SIX4: variants seen among roughly 807,000 people sequenced by gnomAD.
SIX4 encodes the protein homeobox protein SIX4.
SIX4 carries 23 observed loss-of-function variants against 51.5 expected under a neutral mutation model. The observed-to-expected ratio is 0.45, with a 90% CI of 0.32 to 0.63. The LOEUF (loss-of-function observed/expected upper bound fraction) is 0.63. SIX4 is among the 30% of genes least tolerant of loss of function. The pLI is 0.04. For missense variants in SIX4, 867 were observed against 984.0 expected (o/e 0.88, Z 1.59); for synonymous variants, 413 against 417.3 (o/e 0.99, Z 0.13).
At chr14:60,721,687 G>A (rs1896023479) in intron 1 of SIX4, among the ~76,000 whole-genome samples, 1 of 152,186 alleles carries the variant, frequency 6.6e-6, no homozygotes, top group East Asian at 1.9e-4. Context: ...GAGTCCCAGG[G>A]AGCGTGCCCG....
chr14:60,723,075 G>T, intron 1 of SIX4, 137 bp downstream of exon 1: 1 of 1,414,352 alleles, frequency 7.1e-7, no homozygotes. Flanking sequence ...GAGCGAGGTA[G>T]GGGGCGGGGA....
rs1896087791 is a variant in SIX4 at position 60,723,907 on chromosome 14, C to A, written c.168G>T (p.Gly56=). ...PAPAPFPLEP[G]DAATAAARVS... ...CCCTGGCGGCAGCGGTCGCGGCGTC[C>A]CCCGGCTCCAGGGGAAAAGGGGCTG... Residue 56 remains glycine, a synonymous_variant, in exon 1 of 3, where the codon GGG becomes GGT. Coordinates refer to ENST00000216513, the MANE Select transcript of SIX4 (RefSeq NM_017420.5). 1 of 1,519,708 alleles carries A rather than the reference C, an allele frequency of 6.6e-7. No individual in the cohort carries two copies. The allele number at this position is 1,519,708 out of a possible 1,614,324, so 94.1% of individuals were successfully genotyped here.
rs1895839055 is a variant in SIX4 at position 60,712,365 on chromosome 14, G to C, written c.*1042C>G. 1 of 152,616 alleles carries C rather than the reference G, an allele frequency of 6.6e-6. No homozygotes were observed. Among genetic ancestry groups the C allele is most frequent in the Non-Finnish European group, 1.5e-5 (1 of 68,032 alleles). 9.5% of individuals were successfully genotyped at this position (152,616 alleles called of 1,614,324 possible). ...GTTAGATAGTAGAAAAGAACCATCA[G>C]TGCTTCTGTTGACACTTCTGTACCT... is the stretch of plus-strand genomic sequence containing the variant. On this transcript the variant is annotated 3_prime_UTR_variant, in exon 3 of 3. Coordinates refer to ENST00000216513, the MANE Select transcript of SIX4 (RefSeq NM_017420.5).
chr14:60,714,338 G>C (rs1024588088), intron 2 of SIX4, 135 bp from the exon 3 acceptor site: 2 of 735,372 alleles, frequency 2.7e-6, no homozygotes, highest in African/African-American at 1.8e-5. Context: ...CCCAATTCTG[G>C]TTCAGAATTA....
chr14:60,723,397 C>T lies in SIX4; in HGVS notation c.678G>A (p.Thr226=), dbSNP rs749500881. The T allele has an allele frequency of 3.1e-6, 5 of 1,611,706 alleles. No individual in the cohort carries two copies. Among genetic ancestry groups the T allele is most frequent in the Non-Finnish European group, 3.4e-6 (4 of 1,179,956 alleles). The change falls in exon 1 of 3, where the codon ACG becomes ACA. Residue 226 remains threonine, a synonymous_variant. Transcript: ENST00000216513. Reference sequence around the variant, plus strand: ...GCGACTTCTCCTTGAAACAATACACCGTCTCCTCGCCGTCCCAGATGGTGC... The same window carrying T: ...GCGACTTCTCCTTGAAACAATACACTGTCTCCTCGCCGTCCCAGATGGTGC... ...LPRTIWDGEE[T]VYCFKEKSRN... is the part of the protein sequence containing the mutation.
chr14:60,719,198 A>G lies in SIX4; in HGVS notation c.1549+562T>C, dbSNP rs1221634844. Among the ~76,000 whole-genome samples, 2 of 152,222 alleles carry G rather than the reference A, an allele frequency of 1.3e-5. No homozygotes were observed. The highest frequency in any genetic ancestry group is 6.5e-5 in the Admixed American group (1 of 15,280). ...ACCCACACATTTAGGGGGTTAGTAT[A>G]TATGCTGAGCGATAGAAATCCAATG... On this transcript the variant is annotated intron_variant, in intron 2 of 2. Coordinates refer to ENST00000216513, the MANE Select transcript of SIX4 (RefSeq NM_017420.5). The surrounding 1 kb of genome is among the most constrained non-coding windows in gnomAD (Gnocchi z 4.9).
rs1895788592 is a variant in SIX4, at chr14:60,709,653, CAT to C, written c.*3752_*3753del. Reference sequence around the variant, plus strand: ...GGCATAAACCCCCATTACAGTACGACATACATACTTCAGATCTCTTTGGTTGG... The same window carrying C: ...GGCATAAACCCCCATTACAGTACGACACATACTTCAGATCTCTTTGGTTGG... On this transcript the variant is annotated 3_prime_UTR_variant, in exon 3 of 3. Transcript: ENST00000216513. The surrounding 1 kb of genome is among the most constrained non-coding windows in gnomAD (Gnocchi z 4.1). The C allele has an allele frequency of 6.6e-6, 1 of 152,604 alleles. No individual in the cohort carries two copies. The highest frequency in any genetic ancestry group is 1.5e-5 in the Non-Finnish European group (1 of 68,038). The allele number at this position is 152,604 out of a possible 1,614,324, so 9.5% of individuals were successfully genotyped here.
intron 2 of SIX4, among the ~76,000 whole-genome samples, chr14:60,716,952 CTAAGTA>C (rs1231455002): frequency 6.6e-6 from 1 of 152,202 alleles, no homozygotes; most frequent in African/African-American, 2.4e-5. Context: ...AAAAACATTT[CTAAGTA>C]TGTTTCAGTT....
chr14:60,717,003 GA>G lies in SIX4; in HGVS notation c.1549+2756del, dbSNP rs1895931567. On this transcript the variant is annotated intron_variant, in intron 2 of 2. Coordinates refer to ENST00000216513, the MANE Select transcript of SIX4 (RefSeq NM_017420.5). The surrounding 1 kb of genome is among the most constrained non-coding windows in gnomAD (Gnocchi z 4.6). ...CATTTCTGTTTCAGACCACACATAT[GA>G]AAAAACTGCTTTTATTTGAAAACAC... 8.3e-6 allele frequency: 2 copies of G among 241,316 alleles called. No homozygotes were observed. The highest frequency in any genetic ancestry group is 1.6e-5 in the Non-Finnish European group (2 of 123,914). 14.9% of individuals were successfully genotyped at this position (241,316 alleles called of 1,614,324 possible).
chr14:60,718,397 A>T lies in SIX4; in HGVS notation c.1549+1363T>A, dbSNP rs557100352. Among the ~76,000 whole-genome samples, 3 of 152,284 alleles carry T rather than the reference A, an allele frequency of 2.0e-5. No individual in the cohort carries two copies. The East Asian group carries it at 5.8e-4, about 29-fold the overall frequency. The stretch of plus-strand genomic sequence containing the variant: ...AGCTATTAGTTCATAATAATTTTCT[A>T]TGGCAGTGCTCCTCTAGATTACACA... On this transcript the variant is annotated intron_variant, in intron 2 of 2. Coordinates refer to ENST00000216513, the MANE Select transcript of SIX4 (RefSeq NM_017420.5).
Position 60,717,476 on chromosome 14 carries a change from A to G in SIX4, c.1549+2284T>C, listed in dbSNP as rs554524785. 8.5e-5 allele frequency among the ~76,000 whole-genome samples: 13 copies of G among 152,358 alleles called. No individual in the cohort carries two copies. Among genetic ancestry groups the G allele is most frequent in the Admixed American group, 7.8e-4 (12 of 15,304 alleles). ...TATGAAATTGTTTGCCAATGTATGCATGAACAAAATGATTAGTTATCTTTT... is the reference window on the plus strand; with the variant it reads ...TATGAAATTGTTTGCCAATGTATGCGTGAACAAAATGATTAGTTATCTTTT... On this transcript the variant is annotated intron_variant, in intron 2 of 2. Transcript: ENST00000216513. This position sits in a 1 kb window ranked among gnomAD's most constrained non-coding sequence, Gnocchi z 4.6.
chr14:60,715,509 T>C (rs1478059078), intron 2 of SIX4, among the ~76,000 whole-genome samples: 1 of 152,184 alleles, frequency 6.6e-6, no homozygotes, highest in Non-Finnish European at 1.5e-5. Flanking sequence ...GAACAATTAA[T>C]GGTAATAAGA....
rs1338007512 is a variant in SIX4, at chr14:60,717,694, A to T, written c.1549+2066T>A. Among the ~76,000 whole-genome samples, 9 of 152,206 alleles carry T rather than the reference A, an allele frequency of 5.9e-5. No individual in the cohort carries two copies. Among genetic ancestry groups the T allele is most frequent in the Non-Finnish European group, 1.5e-5 (1 of 68,042 alleles). On this transcript the variant is annotated intron_variant, in intron 2 of 2. Transcript: ENST00000216513. This position sits in a 1 kb window ranked among gnomAD's most constrained non-coding sequence, Gnocchi z 4.6. ...GATAAAAAAATCCAACTGAAAAACC[A>T]TATAGATACAAAGCATTACTTTGTA...
rs1895932307 is a variant in SIX4, at chr14:60,717,084, AT to A, written c.1549+2675del. 9.2e-6 allele frequency: 3 copies of A among 325,196 alleles called. No homozygotes were observed. Among genetic ancestry groups the A allele is most frequent in the South Asian group, 5.1e-5 (2 of 38,984 alleles). The allele number at this position is 325,196 out of a possible 1,614,324, so 20.1% of individuals were successfully genotyped here. A position where few individuals can be genotyped will look rare whatever the true frequency, so the allele number is the denominator to read the frequency against. ...CTTATTTTTATTTATTTATTTATTT[AT>A]TTTTGAGATAAGGGGTTTTGCTCTT... On this transcript the variant is annotated intron_variant, in intron 2 of 2. Transcript: ENST00000216513. The surrounding 1 kb of genome is among the most constrained non-coding windows in gnomAD (Gnocchi z 4.6).
chr14:60,723,597 C>T lies in SIX4; in HGVS notation c.478G>A (p.Gly160Ser). Residue 160 changes from glycine (G) to serine (S), a missense_variant, in exon 1 of 3, where the codon GGC becomes AGC. By Grantham distance (56) the Gly-to-Ser change is moderately conservative. Transcript: ENST00000216513. ...ATGCTGTAGAGCTCGGGGTAGATGC[C>T]CTGGTGGAAGGCCACGAGCGCCCGC... ...KARALVAFHQGIYPELYSILE... is the reference protein window; with the variant it reads ...KARALVAFHQSIYPELYSILE... The T allele has an allele frequency of 6.2e-7, 1 of 1,611,048 alleles. No individual in the cohort carries two copies. Among genetic ancestry groups the T allele is most frequent in the Non-Finnish European group, 8.5e-7 (1 of 1,179,274 alleles).
Position 60,719,938 on chromosome 14 carries a change from G to A in SIX4, c.1371C>T (p.Gly457=). 1.2e-6 allele frequency: 2 copies of A among 1,614,194 alleles called. No homozygotes were observed. The highest frequency in any genetic ancestry group is 1.7e-6 in the Non-Finnish European group (2 of 1,180,036). The change falls in exon 2 of 3, where the codon GGC becomes GGT. Residue 457 remains glycine, a synonymous_variant. Coordinates refer to ENST00000216513, the MANE Select transcript of SIX4 (RefSeq NM_017420.5). This position sits in a 1 kb window ranked among gnomAD's most constrained non-coding sequence, Gnocchi z 4.9. ...LIPSTEVKRE[G]IQTVASQDGG... is the part of the protein sequence containing the mutation. ...CATCTTGGGAAGCCACTGTTTGAAT[G>A]CCTTCTCTTTTCACCTCAGTGCTGG... is the stretch of plus-strand genomic sequence containing the variant.
intron 2 of SIX4, among the ~76,000 whole-genome samples, chr14:60,715,214 G>A (rs1161670622): frequency 6.6e-6 from 1 of 152,094 alleles, no homozygotes; most frequent in East Asian, 1.9e-4. Flanking sequence ...CTCTCAATTA[G>A]TTGATAGTTA....
Position 60,723,734 on chromosome 14 carries a change from G to A in SIX4, c.341C>T (p.Ala114Val). 1 of 1,546,442 alleles carries A rather than the reference G, an allele frequency of 6.5e-7. No individual in the cohort carries two copies. The highest frequency in any genetic ancestry group is 2.0e-5 in the Admixed American group (1 of 50,948). The change falls in exon 1 of 3, where the codon GCC (alanine) becomes GTC (valine). Residue 114 changes from alanine (A) to valine (V), a missense_variant. Ala to Val is a moderately conservative substitution (Grantham distance 64). Transcript: ENST00000216513. ...CTGCTGCAGTGCCTCGCACACGCAG[G>A]CGACGTGGTCGGGCGAGAAGGCCAG... ...TPLAFSPDHV[A>V]CVCEALQQGG...
At position 60,714,163 on chromosome 14, in the gene SIX4, T is replaced by C. The variant is rs749593949; in HGVS notation, c.1590A>G (p.Thr530=). 5.0e-6 allele frequency: 8 copies of C among 1,608,310 alleles called. No homozygotes were observed. The Admixed American group carries it at 1.4e-4, about 27-fold the overall frequency. ...SVSSSTSDGS[T]FTSESTTVQQ... ...GGACTGTGGTAGACTCACTTGTAAA[T>C]GTGCTTCCATCTGAAGTGCTTGAGC... Residue 530 remains threonine, a synonymous_variant, in exon 3 of 3, where the codon ACA becomes ACG. Transcript: ENST00000216513.
Sources: allele counts gnomAD v4.1 joint callset (sites outside exome capture counted in the v4.1 genomes callset), GRCh38; gene constraint gnomAD v4.1.1; non-coding constraint Gnocchi (gnomAD v3.1); transcripts MANE v1.5; gene names NCBI Gene and HGNC (gene_info 2026-07-23, HGNC 2026-07-21).